Variants in C1orf167 observed in about 807,000 individuals in gnomAD.
The protein encoded by C1orf167 is uncharacterized protein C1orf167.
C1orf167 carries 153 observed loss-of-function variants against 176.5 expected under a neutral mutation model. The ratio of observed to expected loss-of-function variants is 0.87; its 90% CI spans 0.76 to 0.99. The LOEUF is 0.99. Among genes scored for constraint, C1orf167 ranks in the 50% least tolerant of loss-of-function variants. The pLI is 0.00. For missense variants in C1orf167, 1,490 were observed against 1,817.7 expected, an observed-to-expected ratio of 0.82 and a Z score of 3.28; for synonymous variants, 594 against 752.7, an observed-to-expected ratio of 0.79 and a Z score of 3.45.
Position 11,766,330 on chromosome 1 carries a change from A to G in C1orf167, c.544A>G (p.Arg182Gly). The G allele has an allele frequency of 7.8e-7, 1 of 1,284,832 alleles. No homozygotes were observed. The highest frequency in any genetic ancestry group is 1.0e-6 in the Non-Finnish European group (1 of 986,900). The allele number at this position is 1,284,832 out of a possible 1,614,324, so 79.6% of individuals were successfully genotyped here. A position where few individuals can be genotyped will look rare whatever the true frequency, so the allele number is the denominator to read the frequency against. The change falls in exon 3 of 21, where the codon AGG (arginine) becomes GGG (glycine). Residue 182 changes from arginine to glycine, a missense_variant. Transcript: ENST00000688073. The surrounding 1 kb of genome is among the most constrained non-coding windows in gnomAD (Gnocchi z 4.5). ...PAPGTPSGDFRPTEAFAPLDG... is the reference protein window; with the variant it reads ...PAPGTPSGDFGPTEAFAPLDG... ...CCCAGGCACCCCTAGCGGGGACTTC[A>G]GGCCCACTGAAGCCTTTGCCCCTCT...
rs1331358834 is a variant in C1orf167, at chr1:11,769,047, G to A, written c.1617G>A (p.Arg539=). The A allele has an allele frequency of 1.0e-6, 1 of 985,788 alleles. No homozygotes were observed. The highest frequency in any genetic ancestry group is 1.2e-6 in the Non-Finnish European group (1 of 830,002). 61.1% of individuals were successfully genotyped at this position (985,788 alleles called of 1,614,324 possible). The change falls in exon 6 of 21, where the codon AGG becomes AGA. Residue 539 remains arginine (R), a synonymous_variant. Coordinates refer to ENST00000688073, the MANE Select transcript of C1orf167 (RefSeq NM_001010881.2). ...MQAGPGSPPS[R]RAQGKGLSLG... ...CTGGGCCAGGGTCCCCGCCCTCCAG[G>A]AGAGCCCAGGGCAAAGGCCTCTCCT...
Position 11,766,881 on chromosome 1 carries a change from G to A in C1orf167, c.1095G>A (p.Arg365=), listed in dbSNP as rs1335272583. The A allele has an allele frequency of 1.5e-5, 19 of 1,261,812 alleles. No individual in the cohort carries two copies. Among genetic ancestry groups the A allele is most frequent in the Non-Finnish European group, 1.8e-5 (18 of 973,422 alleles). The allele number at this position is 1,261,812 out of a possible 1,614,324, so 78.2% of individuals were successfully genotyped here. Residue 365 remains arginine, a synonymous_variant, in exon 3 of 21, where the codon AGG becomes AGA. Coordinates refer to ENST00000688073, the MANE Select transcript of C1orf167 (RefSeq NM_001010881.2). This position sits in a 1 kb window ranked among gnomAD's most constrained non-coding sequence, Gnocchi z 4.5. The part of the protein sequence containing the change: ...DSCSPWSQDG[R]AQRGDPSLPR... Reference sequence around the variant, plus strand: ...GCTCCCCCTGGTCTCAAGATGGCAGGGCACAGAGGGGTGACCCCAGTCTCC... The same window carrying A: ...GCTCCCCCTGGTCTCAAGATGGCAGAGCACAGAGGGGTGACCCCAGTCTCC...
At chr1:11,782,437 G>T (rs1396320387) in intron 14 of C1orf167, 104 bp downstream of exon 14, 1 of 1,072,304 alleles carries the variant, frequency 9.3e-7, no homozygotes, top group Non-Finnish European at 1.2e-6. Flanking sequence ...CAGATAGGAG[G>T]CCTGTGGCCT....
chr1:11,784,401 A>C lies in C1orf167; in HGVS notation c.3233A>C (p.Lys1078Thr). The change falls in exon 15 of 21, where the codon AAG becomes ACG. Residue 1078 changes from lysine (K) to threonine (T), a missense_variant. Transcript: ENST00000688073. Reference sequence around the variant, plus strand: ...GGCCAGGAAGATGGGCAGCAGAAGAAGGCCCGGGCCCCACAGGCCTTCCCA... The same window carrying C: ...GGCCAGGAAGATGGGCAGCAGAAGACGGCCCGGGCCCCACAGGCCTTCCCA... ...QQGQEDGQQK[K>T]ARAPQAFPAW... is the part of the protein sequence containing the mutation. The C allele has an allele frequency of 3.8e-6, 5 of 1,303,930 alleles. No homozygotes were observed. Among genetic ancestry groups the C allele is most frequent in the Non-Finnish European group, 5.1e-6 (5 of 988,864 alleles). 80.8% of individuals were successfully genotyped at this position (1,303,930 alleles called of 1,614,324 possible).
chr1:11,780,983 G>C (rs1418032908), intron 13 of C1orf167, among the ~76,000 whole-genome samples: 4 of 149,148 alleles, frequency 2.7e-5, no homozygotes, highest in Non-Finnish European at 1.5e-5. Context: ...AAGAGCTGTT[G>C]CATGGCCCAA....
chr1:11,775,608 C>T lies in C1orf167; in HGVS notation c.2162C>T (p.Ala721Val). 7.7e-7 allele frequency: 1 copy of T among 1,301,858 alleles called. No individual in the cohort carries two copies. Among genetic ancestry groups the T allele is most frequent in the Non-Finnish European group, 1.0e-6 (1 of 987,822 alleles). The allele number at this position is 1,301,858 out of a possible 1,614,324, so 80.6% of individuals were successfully genotyped here. ...VTQLSLCRQK[A>V]GREAVYTAGP... The stretch of plus-strand genomic sequence containing the variant: ...CAGCTGTCCCTCTGCCGGCAGAAAG[C>T]AGGTGAGCTAGTGTTGGCTTCCGCC... The change falls in exon 9 of 21, where the codon GCA (alanine) becomes GTA (valine). Residue 721 changes from alanine (A) to valine (V), a missense_variant and splice_region_variant. By Grantham distance (64) the Ala-to-Val change is moderately conservative (BLOSUM62 0). Coordinates refer to ENST00000688073, the MANE Select transcript of C1orf167 (RefSeq NM_001010881.2).
In C1orf167 at chr1:11,768,019, G is replaced by A. The variant is rs1642881302; in HGVS notation, c.1344-58G>A. On this transcript the variant is annotated intron_variant, in intron 4 of 20. Transcript: ENST00000688073. This position sits in a 1 kb window ranked among gnomAD's most constrained non-coding sequence, Gnocchi z 4.5. ...ATCTCAGAGGGTATCCAGCCACTGG[G>A]CTGTCCCTGGGGATAGGAGGGCAGT... 3 of 1,198,188 alleles carry A rather than the reference G, an allele frequency of 2.5e-6. No homozygotes were observed. Among genetic ancestry groups the A allele is most frequent in the Non-Finnish European group, 3.2e-6 (3 of 933,930 alleles). The allele number at this position is 1,198,188 out of a possible 1,614,324, so 74.2% of individuals were successfully genotyped here.
chr1:11,783,561 T>C (rs1190127328), intron 14 of C1orf167, among the ~76,000 whole-genome samples: 1 of 152,152 alleles, frequency 6.6e-6, no homozygotes, highest in Non-Finnish European at 1.5e-5. Flanking sequence ...ATGGTTTTTT[T>C]TCTTGGCTTC....
Position 11,762,255 on chromosome 1 carries a change from C to G in C1orf167, c.-121C>G, listed in dbSNP as rs1162362787. ...GATCGTTAGCGGTCCCAGCCCCCGT[C>G]TAGATTCAAATCCGACTGGGTGAAG... On this transcript the variant is annotated 5_prime_UTR_variant, in exon 1 of 21. Coordinates refer to ENST00000688073, the MANE Select transcript of C1orf167 (RefSeq NM_001010881.2). 1.4e-5 allele frequency: 6 copies of G among 431,942 alleles called. No individual in the cohort carries two copies. The highest frequency in any genetic ancestry group is 2.8e-5 in the Non-Finnish European group (6 of 212,510). 26.8% of individuals were successfully genotyped at this position (431,942 alleles called of 1,614,324 possible).
chr1:11,785,206 A>G lies in C1orf167; in HGVS notation c.3484A>G (p.Thr1162Ala). Reference sequence around the variant, plus strand: ...CGGCGGTGTCCAGCGAGCCATCCTCACCCAGCTCCGGCCGGCTGAGCTCAG... The same window carrying G: ...CGGCGGTGTCCAGCGAGCCATCCTCGCCCAGCTCCGGCCGGCTGAGCTCAG... ...VRGGVQRAIL[T>A]QLRPAELRRF... Residue 1162 changes from threonine to alanine, a missense_variant, in exon 16 of 21, where the codon ACC (threonine) becomes GCC (alanine). By Grantham distance (58) the Thr-to-Ala change is moderately conservative. Transcript: ENST00000688073. The G allele has an allele frequency of 7.7e-7, 1 of 1,291,526 alleles. No individual in the cohort carries two copies. The highest frequency in any genetic ancestry group is 1.0e-6 in the Non-Finnish European group (1 of 988,758). The allele number at this position is 1,291,526 out of a possible 1,614,324, so 80.0% of individuals were successfully genotyped here. A position where few individuals can be genotyped will look rare whatever the true frequency, so the allele number is the denominator to read the frequency against.
chr1:11,763,442 CAAAAA>C (rs34701302), intron 1 of C1orf167, among the ~76,000 whole-genome samples: 3 of 107,822 alleles, frequency 2.8e-5, no homozygotes, highest in Admixed American at 9.2e-5. Flanking sequence ...GACTCCGGCT[CAAAAA>C]AAAAAAAAAA....
In C1orf167 at chr1:11,774,280, C is replaced by A. The variant is rs570653978; in HGVS notation, c.1989-1155C>A. The stretch of plus-strand genomic sequence containing the variant: ...GCACCACTGCACTCCAGCCTGGGCT[C>A]AAGCAATCCTCCCACCTCGGCTTCC... On this transcript the variant is annotated intron_variant, in intron 8 of 20. Coordinates refer to ENST00000688073, the MANE Select transcript of C1orf167 (RefSeq NM_001010881.2). Among the ~76,000 whole-genome samples, 7 of 152,204 alleles carry A rather than the reference C, an allele frequency of 4.6e-5. No individual in the cohort carries two copies. The East Asian group carries it at 1.2e-3, about 25-fold the overall frequency.
intron 19 of C1orf167, 132 bp from the exon 20 acceptor site, chr1:11,788,520 C>A (rs1008107972): frequency 4.5e-6 from 5 of 1,101,088 alleles, no homozygotes; most frequent in African/African-American, 3.2e-5. Context: ...ATTCTTAATA[C>A]TCCTCAGATG....
At chr1:11,773,023 A>G (rs934303503) in intron 8 of C1orf167, among the ~76,000 whole-genome samples, 1 of 147,608 alleles carries the variant, frequency 6.8e-6, no homozygotes, top group South Asian at 2.2e-4. Flanking sequence ...CTCACCTCCC[A>G]AGTACCTGGG....
intron 2 of C1orf167, 39 bp downstream of exon 2, chr1:11,764,509 G>C (rs763813539): frequency 6.2e-6 from 8 of 1,282,702 alleles, no homozygotes; most frequent in Non-Finnish European, 8.1e-6. Flanking sequence ...AGTTACAGGA[G>C]CAGGGCCCTC....
chr1:11,782,103 G>A, intron 13 of C1orf167, 86 bp from the exon 14 acceptor site: 1 of 1,142,738 alleles, frequency 8.8e-7, no homozygotes, highest in Non-Finnish European at 1.1e-6. Flanking sequence ...CCACCTGGTA[G>A]GGGGCGAAGG....
rs947450648 is a variant in C1orf167, at chr1:11,768,143, G to A, written c.1410G>A (p.Ala470=). ...RHLVKRQREP[A]AAAVALGRWQ... Reference sequence around the variant, plus strand: ...TGGTGAAGAGGCAGCGGGAGCCAGCGGCGGCGGCAGTGGCACTGGGCCGCT... The same window carrying A: ...TGGTGAAGAGGCAGCGGGAGCCAGCAGCGGCGGCAGTGGCACTGGGCCGCT... The change falls in exon 5 of 21, where the codon GCG becomes GCA. Residue 470 remains alanine (A), a synonymous_variant. Transcript: ENST00000688073. The surrounding 1 kb of genome is among the most constrained non-coding windows in gnomAD (Gnocchi z 4.5). The A allele has an allele frequency of 4.3e-5, 55 of 1,289,608 alleles. No homozygotes were observed. Among genetic ancestry groups the A allele is most frequent in the Non-Finnish European group, 5.3e-5 (52 of 988,838 alleles). The allele number at this position is 1,289,608 out of a possible 1,614,324, so 79.9% of individuals were successfully genotyped here.
chr1:11,778,846 G>C, intron 11 of C1orf167, 30 bp downstream of exon 11: 1 of 1,293,964 alleles, frequency 7.7e-7, no homozygotes, highest in Non-Finnish European at 1.0e-6. Context: ...GGAGGGGCTG[G>C]GGCAGGTAGG....
chr1:11,787,639 T>C (rs989154150), intron 17 of C1orf167, 146 bp downstream of exon 17: 7 of 817,870 alleles, frequency 8.6e-6, no homozygotes, highest in Non-Finnish European at 1.2e-5. Flanking sequence ...CTCTTCGGAA[T>C]GTTTCAGCTG....
Sources: allele counts gnomAD v4.1 joint callset (sites outside exome capture counted in the v4.1 genomes callset), GRCh38; gene constraint gnomAD v4.1.1; non-coding constraint Gnocchi (gnomAD v3.1); transcripts MANE v1.5; gene names NCBI Gene and HGNC (gene_info 2026-07-23, HGNC 2026-07-21).